The following PRICKLE1 variants were observed in gnomAD, a reference collection of about 807,000 sequenced individuals.
The protein encoded by PRICKLE1 is prickle planar cell polarity protein 1.
In PRICKLE1, 14 loss-of-function variants were observed where a neutral mutation model predicts 70.2. The ratio of observed to expected loss-of-function variants is 0.20; its 90% CI spans 0.13 to 0.31. The LOEUF (loss-of-function observed/expected upper bound fraction) is 0.31, where lower values mean the gene tolerates loss of function less well. PRICKLE1 is among the 10% of genes least tolerant of loss of function. PRICKLE1 has a pLI of 1.00. For synonymous variants in PRICKLE1, 357 were observed against 379.9 expected (o/e 0.94, Z 0.70); for missense variants, 821 against 1,026.2 (o/e 0.80, Z 2.73).
rs979105295 is a variant in PRICKLE1 at position 42,457,262 on chromosome 12, T to C, written c.*2547A>G. The C allele has an allele frequency of 6.6e-6, 1 of 152,174 alleles. No homozygotes were observed. The highest frequency in any genetic ancestry group is 6.5e-5 in the Admixed American group (1 of 15,272). 9.4% of individuals were successfully genotyped at this position (152,174 alleles called of 1,614,324 possible). A position where few individuals can be genotyped will look rare whatever the true frequency, so the allele number is the denominator to read the frequency against. On this transcript the variant is annotated 3_prime_UTR_variant, in exon 8 of 8. Transcript: ENST00000345127. ...TCCTTAAGCCTTTGGCAGGCTATGT[T>C]ACCCCTATCTTTTGAGAATGTACTT...
Position 42,466,512 on chromosome 12 carries a change from T to G in PRICKLE1, c.589-132A>C. The stretch of plus-strand genomic sequence containing the variant: ...AAAAAAATCAGATAGCTAACCTTGT[T>G]TCTTAGAGTCACAAGCTTAAATCTA... On this transcript the variant is annotated intron_variant, in intron 5 of 7. Coordinates refer to ENST00000345127, the MANE Select transcript of PRICKLE1 (RefSeq NM_153026.3). 8 of 753,068 alleles carry G rather than the reference T, an allele frequency of 1.1e-5. No individual in the cohort carries two copies. In the South Asian group the frequency reaches 1.3e-4, roughly 12 times the overall value. 46.6% of individuals were successfully genotyped at this position (753,068 alleles called of 1,614,324 possible).
intron 1 of PRICKLE1, among the ~76,000 whole-genome samples, chr12:42,473,403 T>C (rs1379508361): frequency 1.3e-5 from 2 of 152,178 alleles, no homozygotes; most frequent in East Asian, 1.9e-4. Context: ...ATGTAAATCC[T>C]CCTCTGAATA....
intron 4 of PRICKLE1, 85 bp downstream of exon 4, chr12:42,469,365 T>A (rs1938224997): frequency 8.5e-6 from 13 of 1,532,984 alleles, no homozygotes; most frequent in Non-Finnish European, 1.2e-5. Context: ...GACCCACACC[T>A]CTGCTAGTCC....
At position 42,520,194 on chromosome 12, in the gene PRICKLE1, G is replaced by A. The variant is rs146348393; in HGVS notation, c.-48-47630C>T. 1.6e-3 allele frequency among the ~76,000 whole-genome samples: 240 copies of A among 152,290 alleles called. 2 individuals carry two copies. In the East Asian group the frequency reaches 0.024, roughly 15 times the overall value. Reference sequence around the variant, plus strand: ...AAATTATCCAGGCCACCAGATCTGTGGTGGATGTGGGATAGTTATATGTAA... The same window carrying A: ...AAATTATCCAGGCCACCAGATCTGTAGTGGATGTGGGATAGTTATATGTAA... On this transcript the variant is annotated intron_variant, in intron 1 of 7. Transcript: ENST00000345127.
intron 2 of PRICKLE1, among the ~76,000 whole-genome samples, chr12:42,472,108 A>G (rs1405461696): frequency 6.6e-6 from 1 of 152,174 alleles, no homozygotes; most frequent in Non-Finnish European, 1.5e-5. Context: ...CACATAACCA[A>G]TGCATATGTA....
At chr12:42,525,893 T>C (rs1208350624) in intron 1 of PRICKLE1, among the ~76,000 whole-genome samples, 1 of 152,138 alleles carries the variant, frequency 6.6e-6, no homozygotes, top group Non-Finnish European at 1.5e-5. Flanking sequence ...AGTGTTGAAA[T>C]AGATGTCATA....
Position 42,460,626 on chromosome 12 carries a change from A to AATG in PRICKLE1, c.1676_1678dup (p.Ser559dup). 1 of 1,612,556 alleles carries AATG rather than the reference A, an allele frequency of 6.2e-7. No homozygotes were observed. Among genetic ancestry groups the AATG allele is most frequent in the Middle Eastern group, 1.6e-4 (1 of 6,062 alleles). On this transcript the variant is annotated inframe_insertion, in exon 8 of 8. Transcript: ENST00000345127. The stretch of plus-strand genomic sequence containing the variant: ...CTCCTCAAAATTTTGCAGAGAATAC[A>AATG]ATGATGGCCTTGGCTTGTTTTCTCC...
intron 1 of PRICKLE1, among the ~76,000 whole-genome samples, chr12:42,500,653 T>C (rs1593140970): frequency 1.4e-5 from 2 of 147,628 alleles, no homozygotes; most frequent in East Asian, 1.9e-4. Flanking sequence ...AATACATTTT[T>C]CATTAATTTT....
At chr12:42,521,985 T>C (rs1218283186) in intron 1 of PRICKLE1, among the ~76,000 whole-genome samples, 1 of 150,536 alleles carries the variant, frequency 6.6e-6, no homozygotes, top group Non-Finnish European at 1.5e-5. Flanking sequence ...ACTTCTTTTT[T>C]TTTTTTTTTG....
At chr12:42,540,637 G>A (rs1250552242) in intron 1 of PRICKLE1, among the ~76,000 whole-genome samples, 17 of 151,818 alleles carry the variant, frequency 1.1e-4, no homozygotes, top group Admixed American at 5.3e-4. Flanking sequence ...ACCTTGGCTC[G>A]CTGTAACCTC....
intron 1 of PRICKLE1, among the ~76,000 whole-genome samples, chr12:42,476,193 CTTTTT>C (rs530875710): frequency 1.4e-5 from 2 of 138,178 alleles, no homozygotes; most frequent in African/African-American, 5.2e-5. Flanking sequence ...TTTCTTTTTT[CTTTTT>C]TTTTTTTGAG....
chr12:42,560,134 A>T (rs1452290858), intron 1 of PRICKLE1, among the ~76,000 whole-genome samples: 2 of 100,034 alleles, frequency 2.0e-5, no homozygotes, highest in South Asian at 2.8e-4. Context: ...TATTATTATT[A>T]TTATTATTAT....
Position 42,572,863 on chromosome 12 carries a change from C to G in PRICKLE1, c.-49+16602G>C, listed in dbSNP as rs570814658. Among the ~76,000 whole-genome samples the G allele has an allele frequency of 5.3e-5, 8 of 152,190 alleles. No homozygotes were observed. In the South Asian group the frequency reaches 1.7e-3, roughly 32 times the overall value. ...AAATTTTAATAAAATCATACCCATT[C>G]CTATTCTAACCACCAGGAAGTAAAT... On this transcript the variant is annotated intron_variant, in intron 1 of 7. Coordinates refer to ENST00000345127, the MANE Select transcript of PRICKLE1 (RefSeq NM_153026.3).
At chr12:42,559,637 G>C (rs887135081) in intron 1 of PRICKLE1, among the ~76,000 whole-genome samples, 2 of 38,528 alleles carry the variant, frequency 5.2e-5, no homozygotes, top group Middle Eastern at 0.014. Flanking sequence ...TTTTTTTTTT[G>C]GGGGGGGTAG....
chr12:42,499,047 T>C (rs888747998), intron 1 of PRICKLE1, among the ~76,000 whole-genome samples: 10 of 152,208 alleles, frequency 6.6e-5, no homozygotes, highest in Non-Finnish European at 1.5e-4. Context: ...CACTACTTTA[T>C]CTTTGGTGAT....
At chr12:42,467,410 C>T (rs563795396) in intron 5 of PRICKLE1, among the ~76,000 whole-genome samples, 19 of 146,078 alleles carry the variant, frequency 1.3e-4, no homozygotes, top group East Asian at 2.0e-4. Context: ...CCACCGAGCC[C>T]GGCAGGTTCT....
chr12:42,527,916 A>AATATAT (rs1163552624), intron 1 of PRICKLE1, among the ~76,000 whole-genome samples: 2 of 20,166 alleles, frequency 9.9e-5, no homozygotes, highest in African/African-American at 3.0e-4. Flanking sequence ...TACTCTTTAT[A>AATATAT]ATATATATAT....
chr12:42,527,960 T>TCTTTTAGCC (rs1566114354), intron 1 of PRICKLE1, among the ~76,000 whole-genome samples: 1 of 11,620 alleles, frequency 8.6e-5, no homozygotes, highest in African/African-American at 1.9e-4. Context: ...TATATATATA[T>TCTTTTAGCC]ATATATATAT....
chr12:42,543,976 A>C (rs1940162749), intron 1 of PRICKLE1, among the ~76,000 whole-genome samples: 2 of 152,256 alleles, frequency 1.3e-5, no homozygotes, highest in Admixed American at 1.3e-4. Flanking sequence ...TAAGGAAAAG[A>C]AAATACATTT....
Sources: allele counts gnomAD v4.1 joint callset (sites outside exome capture counted in the v4.1 genomes callset), GRCh38; gene constraint gnomAD v4.1.1; transcripts MANE v1.5; gene names NCBI Gene and HGNC (gene_info 2026-07-23, HGNC 2026-07-21).